The following TENM3 variants were observed in gnomAD, a reference collection of about 807,000 sequenced individuals.
TENM3 encodes teneurin-3.
Under a neutral mutation model 255.1 loss-of-function variants are expected in TENM3, and 63 were observed. The ratio of observed to expected loss-of-function variants is 0.25; its 90% CI spans 0.20 to 0.30. TENM3 has a LOEUF of 0.30. TENM3 is among the 10% of genes least tolerant of loss of function. The pLI is 1.00. For missense variants in TENM3, 2,929 were observed against 3,461.1 expected (o/e 0.85, Z 3.86); for synonymous variants, 1,306 against 1,322.3 (o/e 0.99, Z 0.27).
intron 18 of TENM3, among the ~76,000 whole-genome samples, chr4:182,740,823 G>A (rs975689989): frequency 1.3e-5 from 2 of 152,022 alleles, no homozygotes; most frequent in African/African-American, 4.8e-5. Context: ...AAATACCAGG[G>A]CAGATGTAAA....
intron 3 of TENM3, among the ~76,000 whole-genome samples, chr4:182,381,385 C>T (rs900464668): frequency 1.3e-5 from 2 of 151,824 alleles, no homozygotes; most frequent in African/African-American, 2.4e-5. Context: ...AAGATGGTTT[C>T]GATACTGGGA....
chr4:181,782,683 T>G, the TENM3 span, among the ~76,000 whole-genome samples: 1 of 152,194 alleles, frequency 6.6e-6, no homozygotes, highest in Non-Finnish European at 1.5e-5. Flanking sequence ...TGTTTGCTCT[T>G]GCTTCTCTAG....
At chr4:182,365,301 C>T (rs895867355) in intron 3 of TENM3, among the ~76,000 whole-genome samples, 8 of 152,198 alleles carry the variant, frequency 5.3e-5, no homozygotes, top group African/African-American at 1.9e-4. Flanking sequence ...AGATGGACTT[C>T]GAGGACACCA....
At chr4:182,219,102 G>A (rs1270933495) in intron 1 of TENM3, among the ~76,000 whole-genome samples, 1 of 152,108 alleles carries the variant, frequency 6.6e-6, no homozygotes, top group African/African-American at 2.4e-5. Flanking sequence ...GGCACCTGTA[G>A]TCTCAGCTAC....
chr4:182,241,533 T>TTTTTTTTTTTTTTTTTC, upstream of TENM3, among the ~76,000 whole-genome samples: 1 of 148,616 alleles, frequency 6.7e-6, no homozygotes, highest in African/African-American at 2.5e-5. Context: ...TTTTTTTTTT[T>TTTTTTTTTTTTTTTTTC]TTGTGAGGCG....
chr4:181,617,069 C>T, the TENM3 span, among the ~76,000 whole-genome samples: 9,996 of 152,130 alleles, frequency 0.066, 441 homozygotes, highest in East Asian at 0.14. Context: ...CTTGCTACTG[C>T]GGCACCCACT....
At chr4:181,735,990 TATAAC>T in the TENM3 span, among the ~76,000 whole-genome samples, 2 of 152,200 alleles carry the variant, frequency 1.3e-5, no homozygotes, top group Non-Finnish European at 2.9e-5. Flanking sequence ...CTTTTTTTCT[TATAAC>T]ATATTCTAAT....
the TENM3 span, among the ~76,000 whole-genome samples, chr4:181,789,456 C>T: frequency 6.6e-6 from 1 of 151,724 alleles, no homozygotes; most frequent in South Asian, 2.1e-4. Context: ...GGGGTTTTGC[C>T]ATGTTGGCCA....
At chr4:181,931,335 A>T in the TENM3 span, among the ~76,000 whole-genome samples, 1 of 152,250 alleles carries the variant, frequency 6.6e-6, no homozygotes, top group Non-Finnish European at 1.5e-5. Flanking sequence ...TACAAAATCA[A>T]TATGCAAAAA....
the TENM3 span, among the ~76,000 whole-genome samples, chr4:181,599,315 A>G: frequency 6.6e-6 from 1 of 152,218 alleles, no homozygotes; most frequent in Non-Finnish European, 1.5e-5. Flanking sequence ...ATTTCAGTGA[A>G]TCACACTGTA....
the TENM3 span, among the ~76,000 whole-genome samples, chr4:181,515,640 T>C: frequency 2.2e-4 from 33 of 152,186 alleles, no homozygotes; most frequent in African/African-American, 7.7e-4. Context: ...AATAGATGAC[T>C]CCAGTTCACT....
the TENM3 span, among the ~76,000 whole-genome samples, chr4:181,509,574 C>T: frequency 7.2e-4 from 110 of 152,240 alleles, no homozygotes; most frequent in African/African-American, 2.3e-3. Flanking sequence ...AATTGACCTT[C>T]TTGCAGGTGG....
intron 1 of TENM3, among the ~76,000 whole-genome samples, chr4:182,146,573 A>G (rs532497955): frequency 1.3e-5 from 2 of 152,218 alleles, no homozygotes; most frequent in East Asian, 1.9e-4. Flanking sequence ...TTAATCAAAG[A>G]TTTTTTTCTA....
the TENM3 span, among the ~76,000 whole-genome samples, chr4:182,110,694 G>A: frequency 6.6e-6 from 1 of 152,130 alleles, no homozygotes; most frequent in African/African-American, 2.4e-5. Context: ...ATGGAAAAGA[G>A]GTTGATGGTA....
chr4:182,645,219 G>C (rs906968802), intron 5 of TENM3, among the ~76,000 whole-genome samples: 1 of 151,900 alleles, frequency 6.6e-6, no homozygotes. Context: ...CATTTATTTT[G>C]TCTTTAGTAA....
chr4:182,679,043 AC>A (rs1209715401), intron 7 of TENM3, among the ~76,000 whole-genome samples: 11 of 152,052 alleles, frequency 7.2e-5, no homozygotes, highest in East Asian at 3.9e-4. Flanking sequence ...GGGGAACATC[AC>A]CCCAGGGCCT....
the TENM3 span, among the ~76,000 whole-genome samples, chr4:181,582,858 A>C: frequency 3.3e-5 from 5 of 152,160 alleles, no homozygotes. Context: ...CATTGGATGT[A>C]AGGTAGGAAG....
At chr4:181,449,289 T>C in the TENM3 span, among the ~76,000 whole-genome samples, 1 of 152,150 alleles carries the variant, frequency 6.6e-6, no homozygotes, top group Admixed American at 6.5e-5. Flanking sequence ...TTTTTCAATA[T>C]TGCTGGTGGG....
chr4:181,636,010 C>T, the TENM3 span, among the ~76,000 whole-genome samples: 1 of 151,984 alleles, frequency 6.6e-6, no homozygotes, highest in Non-Finnish European at 1.5e-5. Flanking sequence ...TATATATGTA[C>T]ACACATGTGG....
Sources: allele counts gnomAD v4.1 joint callset (sites outside exome capture counted in the v4.1 genomes callset), GRCh38; gene constraint gnomAD v4.1.1; transcripts MANE v1.5; gene names NCBI Gene and HGNC (gene_info 2026-07-23, HGNC 2026-07-21).